The following MAP3K21 variants were observed in gnomAD, a reference collection of about 807,000 sequenced individuals.
The protein encoded by MAP3K21 is mitogen-activated protein kinase kinase kinase 21.
In MAP3K21, 63 loss-of-function variants were observed where a neutral mutation model predicts 86.1. The observed-to-expected ratio is 0.73, with a 90% CI of 0.60 to 0.90. The LOEUF is 0.90. Ranked by LOEUF, MAP3K21 falls within the 40% of genes least tolerant of loss-of-function variation. The pLI is 0.00. For synonymous variants in MAP3K21, 558 were observed against 564.8 expected (o/e 0.99, Z 0.17); for missense variants, 1,220 against 1,367.7 (o/e 0.89, Z 1.70).
At chr1:233,355,658 C>A (rs927640555) in intron 4 of MAP3K21, among the ~76,000 whole-genome samples, 2 of 152,178 alleles carry the variant, frequency 1.3e-5, no homozygotes, top group Non-Finnish European at 2.9e-5. Context: ...CCGACTCCCG[C>A]TGTGCCTTCC....
intron 1 of MAP3K21, among the ~76,000 whole-genome samples, chr1:233,341,720 C>A (rs537094366): frequency 2.0e-4 from 31 of 152,198 alleles, no homozygotes; most frequent in African/African-American, 7.5e-4. Context: ...GCTGCCAGCC[C>A]TTACTTGGGG....
chr1:233,369,220 C>CAAAAAAAAAAAAAAA (rs35461412), intron 5 of MAP3K21, among the ~76,000 whole-genome samples: 1 of 105,640 alleles, frequency 9.5e-6, no homozygotes. Context: ...TAGTAAAATA[C>CAAAAAAAAAAAAAAA]AAAAAAAAAA....
chr1:233,381,909 C>G (rs1244512475), intron 9 of MAP3K21, among the ~76,000 whole-genome samples: 1 of 152,200 alleles, frequency 6.6e-6, no homozygotes, highest in African/African-American at 2.4e-5. Flanking sequence ...TTATTCCAGT[C>G]TAGTCCATTT....
chr1:233,328,088 C>T lies in MAP3K21; in HGVS notation c.60C>T (p.Ala20=). 1.5e-6 allele frequency: 2 copies of T among 1,365,910 alleles called. No homozygotes were observed. The highest frequency in any genetic ancestry group is 1.9e-6 in the Non-Finnish European group (2 of 1,066,510). 84.6% of individuals were successfully genotyped at this position (1,365,910 alleles called of 1,614,324 possible). Residue 20 remains alanine, a synonymous_variant, in exon 1 of 10, where the codon GCC becomes GCT. Transcript: ENST00000366624. This position sits in a 1 kb window ranked among gnomAD's most constrained non-coding sequence, Gnocchi z 8.7. ...TDTPVSSAGG[A]PGGSASSSST... Reference sequence around the variant, plus strand: ...CCCCGGTGTCCTCGGCCGGGGGAGCCCCCGGCGGCTCAGCGTCCTCGTCGT... The same window carrying T: ...CCCCGGTGTCCTCGGCCGGGGGAGCTCCCGGCGGCTCAGCGTCCTCGTCGT...
chr1:233,372,027 G>T lies in MAP3K21; in HGVS notation c.1553-11G>T. 5 of 1,595,376 alleles carry T rather than the reference G, an allele frequency of 3.1e-6. No individual in the cohort carries two copies. Among genetic ancestry groups the T allele is most frequent in the African/African-American group, 2.7e-5 (2 of 73,284 alleles). ...CATGAAATACCAGTTCTCCCTTTTT[G>T]CCTCCAACAGATTTCCAGCACAAGA... On this transcript the variant is annotated splice_polypyrimidine_tract_variant and intron_variant, in intron 5 of 9. Coordinates refer to ENST00000366624, the MANE Select transcript of MAP3K21 (RefSeq NM_032435.3).
At chr1:233,329,653 C>CAA (rs796672723) in intron 1 of MAP3K21, among the ~76,000 whole-genome samples, 1 of 132,972 alleles carries the variant, frequency 7.5e-6, no homozygotes, top group Non-Finnish European at 1.6e-5. Flanking sequence ...GACTCTGTCT[C>CAA]AAAAAAAAAA....
Position 233,379,682 on chromosome 1 carries a change from G to T in MAP3K21, c.2676G>T (p.Arg892=). ...SSKHRPSHHR[R]TMSDGNPTPT... Reference sequence around the variant, plus strand: ...AACATAGACCGTCACATCACAGACGGACCATGTCTGATGGAAATCCGACCC... The same window carrying T: ...AACATAGACCGTCACATCACAGACGTACCATGTCTGATGGAAATCCGACCC... Residue 892 remains arginine, a synonymous_variant, in exon 9 of 10, where the codon CGG becomes CGT. Transcript: ENST00000366624. The T allele has an allele frequency of 6.2e-7, 1 of 1,611,880 alleles. No individual in the cohort carries two copies. The highest frequency in any genetic ancestry group is 1.1e-5 in the South Asian group (1 of 91,038).
At chr1:233,358,058 GGT>G (rs1663397975) in intron 4 of MAP3K21, among the ~76,000 whole-genome samples, 1 of 146,518 alleles carries the variant, frequency 6.8e-6, no homozygotes, top group Non-Finnish European at 1.5e-5. Flanking sequence ...GTGCCTGATG[GGT>G]TTTTTTTTTT....
intron 6 of MAP3K21, among the ~76,000 whole-genome samples, chr1:233,374,565 A>G (rs1663752558): frequency 6.6e-6 from 1 of 152,144 alleles, no homozygotes; most frequent in African/African-American, 2.4e-5. Flanking sequence ...TAAGTAACCA[A>G]ACATCATCCA....
chr1:233,359,314 CT>C (rs777198355), intron 4 of MAP3K21, among the ~76,000 whole-genome samples: 1 of 152,142 alleles, frequency 6.6e-6, no homozygotes, highest in South Asian at 2.1e-4. Context: ...TCTATTTTTA[CT>C]TTGTGTTTTA....
chr1:233,382,726 T>C lies in MAP3K21; in HGVS notation c.*15T>C. On this transcript the variant is annotated 3_prime_UTR_variant, in exon 10 of 10. Transcript: ENST00000366624. ...TCCTGTCTTAAACTAAGTGCCTTAC[T>C]GTTGTTTAAGCATTTTTTTAAGGTG... 1.2e-6 allele frequency: 2 copies of C among 1,602,170 alleles called. No homozygotes were observed. The highest frequency in any genetic ancestry group is 2.2e-5 in the South Asian group (2 of 90,346).
At chr1:233,357,415 G>GA (rs1663381230) in intron 4 of MAP3K21, among the ~76,000 whole-genome samples, 1 of 150,826 alleles carries the variant, frequency 6.6e-6, no homozygotes, top group Non-Finnish European at 1.5e-5. Context: ...AAAAAAAAAA[G>GA]AAAAAATAAA....
At chr1:233,355,656 C>T (rs1407345207) in intron 4 of MAP3K21, among the ~76,000 whole-genome samples, 1 of 152,146 alleles carries the variant, frequency 6.6e-6, no homozygotes, top group African/African-American at 2.4e-5. Flanking sequence ...CCCCGACTCC[C>T]GCTGTGCCTT....
chr1:233,346,760 A>G (rs1400429462), intron 2 of MAP3K21, 138 bp downstream of exon 2: 3 of 741,398 alleles, frequency 4.0e-6, no homozygotes, highest in Non-Finnish European at 6.7e-6. Flanking sequence ...GATCAAAATA[A>G]TTGTAATGAC....
At chr1:233,377,101 GATAA>G (rs57896561) in intron 8 of MAP3K21, among the ~76,000 whole-genome samples, 99 of 150,990 alleles carry the variant, frequency 6.6e-4, no homozygotes, top group African/African-American at 1.9e-3. Context: ...TCTATCTCTA[GATAA>G]ATAAATAAAT....
chr1:233,359,840 C>T (rs1455350087), intron 4 of MAP3K21, among the ~76,000 whole-genome samples: 9 of 152,200 alleles, frequency 5.9e-5, no homozygotes, highest in East Asian at 1.9e-4. Context: ...TCAAAGGGTT[C>T]TAATACCCCA....
intron 4 of MAP3K21, among the ~76,000 whole-genome samples, chr1:233,361,847 G>A (rs1305597711): frequency 6.6e-6 from 1 of 152,312 alleles, no homozygotes; most frequent in Admixed American, 6.5e-5. Flanking sequence ...CGCTGAAAAG[G>A]TTTCGGCTTG....
intron 4 of MAP3K21, among the ~76,000 whole-genome samples, chr1:233,355,432 G>A (rs996678213): frequency 6.6e-6 from 1 of 152,164 alleles, no homozygotes; most frequent in Non-Finnish European, 1.5e-5. Flanking sequence ...ATTTAAGAAC[G>A]TGTCTGTTGG....
intron 2 of MAP3K21, among the ~76,000 whole-genome samples, chr1:233,353,318 C>CAAA (rs1176216411): frequency 1.3e-5 from 2 of 152,036 alleles, no homozygotes; most frequent in Admixed American, 1.3e-4. Context: ...TAAACAGTTT[C>CAAA]AAAAAACTAT....
Sources: allele counts gnomAD v4.1 joint callset (sites outside exome capture counted in the v4.1 genomes callset), GRCh38; gene constraint gnomAD v4.1.1; non-coding constraint Gnocchi (gnomAD v3.1); transcripts MANE v1.5; gene names NCBI Gene and HGNC (gene_info 2026-07-23, HGNC 2026-07-21).